Variants in ZNF680 observed in about 807,000 individuals in gnomAD.
ZNF680 encodes zinc finger protein 680.
A neutral mutation model predicts 12.1 loss-of-function variants in ZNF680; 6 were observed. That is an observed-to-expected ratio of 0.49 (90% CI 0.27 to 0.98). The LOEUF is 0.98. Ranked by LOEUF, ZNF680 falls within the 50% of genes least tolerant of loss-of-function variation. The pLI is 0.12. For missense variants in ZNF680, 561 were observed against 616.3 expected, an observed-to-expected ratio of 0.91 and a Z score of 0.95; for synonymous variants, 170 against 199.3, an observed-to-expected ratio of 0.85 and a Z score of 1.24.
chr7:64,561,706 G>T (rs113722384), intron 1 of ZNF680, among the ~76,000 whole-genome samples: 1 of 151,584 alleles, frequency 6.6e-6, no homozygotes, highest in African/African-American at 2.4e-5. Context: ...AGGCCGAGGC[G>T]GGTGGATTAC....
At chr7:64,519,288 G>A (rs1791419145), downstream of ZNF680, among the ~76,000 whole-genome samples, 1 of 151,816 alleles carries the variant, frequency 6.6e-6, no homozygotes, top group Non-Finnish European at 1.5e-5. Flanking sequence ...ATCACAATAT[G>A]ATACCACCTC....
intron 3 of ZNF680, among the ~76,000 whole-genome samples, chr7:64,537,845 A>T (rs536356120): frequency 6.6e-6 from 1 of 152,104 alleles, no homozygotes; most frequent in South Asian, 2.1e-4. Flanking sequence ...CAGGAGAATG[A>T]CGTGAACCCG....
At position 64,522,115 on chromosome 7, in the gene ZNF680, C is replaced by T; in HGVS notation, c.639G>A (p.Glu213=). Residue 213 remains glutamate, a synonymous_variant, in exon 4 of 4, where the codon GAG becomes GAA. Transcript: ENST00000309683. ...ACCAGTTAAGAACTTTGCCACATTC[C>T]TCACATTTGTAAGAATTCTCTCTAG... ...IHTRENSYKC[E]ECGKVLNWFS... 1.2e-6 allele frequency: 2 copies of T among 1,610,886 alleles called. No individual in the cohort carries two copies. Among genetic ancestry groups the T allele is most frequent in the Non-Finnish European group, 1.7e-6 (2 of 1,178,312 alleles).
At chr7:64,517,544 T>C (rs566083353), downstream of ZNF680, among the ~76,000 whole-genome samples, 2 of 152,152 alleles carry the variant, frequency 1.3e-5, no homozygotes, top group African/African-American at 2.4e-5. Flanking sequence ...ACCAATCCTA[T>C]TGACACTATT....
intron 1 of ZNF680, among the ~76,000 whole-genome samples, chr7:64,553,984 T>C (rs1369994973): frequency 1.8e-4 from 28 of 151,996 alleles, no homozygotes; most frequent in Non-Finnish European, 5.9e-5. Context: ...GTGCCGAGAT[T>C]GCAGCCTCTG....
intron 1 of ZNF680, among the ~76,000 whole-genome samples, chr7:64,548,953 T>C (rs1786926734): frequency 6.6e-6 from 1 of 151,962 alleles, no homozygotes; most frequent in Non-Finnish European, 1.5e-5. Flanking sequence ...AAACCCCGTC[T>C]CTACTAAAAA....
At chr7:64,508,140 T>TATATAC in the ZNF680 span, among the ~76,000 whole-genome samples, 1 of 134,826 alleles carries the variant, frequency 7.4e-6, no homozygotes, top group Non-Finnish European at 1.5e-5. Context: ...TATATATATA[T>TATATAC]ATACATAATT....
chr7:64,503,483 C>T, the ZNF680 span, among the ~76,000 whole-genome samples: 1 of 148,042 alleles, frequency 6.8e-6, no homozygotes, highest in Non-Finnish European at 1.5e-5. Flanking sequence ...TGGGTTCAAG[C>T]GATTCTCCTG....
chr7:64,510,349 C>T, the ZNF680 span, among the ~76,000 whole-genome samples: 2 of 152,066 alleles, frequency 1.3e-5, no homozygotes, highest in East Asian at 1.9e-4. Context: ...ACCCCCACCC[C>T]GCCACCTTTT....
At chr7:64,507,221 T>C in the ZNF680 span, among the ~76,000 whole-genome samples, 1 of 152,098 alleles carries the variant, frequency 6.6e-6, no homozygotes. Flanking sequence ...CTCGTGTATA[T>C]GTAGAATTTA....
chr7:64,533,515 GAC>G (rs1481106133), intron 3 of ZNF680, among the ~76,000 whole-genome samples: 1 of 152,030 alleles, frequency 6.6e-6, no homozygotes, highest in African/African-American at 2.4e-5. Context: ...AAAAATCATA[GAC>G]AACACAAACA....
At chr7:64,553,894 T>A (rs1405991803) in intron 1 of ZNF680, among the ~76,000 whole-genome samples, 1 of 152,230 alleles carries the variant, frequency 6.6e-6, no homozygotes, top group African/African-American at 2.4e-5. Context: ...GTGCTCAATG[T>A]TGCCCAGGCT....
intron 1 of ZNF680, among the ~76,000 whole-genome samples, chr7:64,546,669 G>C (rs1303904943): frequency 6.6e-6 from 1 of 152,156 alleles, no homozygotes; most frequent in African/African-American, 2.4e-5. Context: ...CTAGAACCTG[G>C]AAGGCAGAGG....
the ZNF680 span, among the ~76,000 whole-genome samples, chr7:64,507,864 CACACACACACACACAT>C: frequency 6.3e-5 from 4 of 63,536 alleles, no homozygotes; most frequent in East Asian, 2.3e-4. Context: ...CACACACACA[CACACACACACACACAT>C]TTTTTTATTT....
intron 3 of ZNF680, among the ~76,000 whole-genome samples, chr7:64,530,064 T>C (rs1337721682): frequency 6.6e-6 from 1 of 152,150 alleles, no homozygotes; most frequent in Non-Finnish European, 1.5e-5. Context: ...GCATCACATA[T>C]GAAGGAAAGA....
downstream of ZNF680, among the ~76,000 whole-genome samples, chr7:64,514,912 G>T (rs1380735826): frequency 1.3e-5 from 2 of 152,092 alleles, no homozygotes; most frequent in East Asian, 1.9e-4. Flanking sequence ...GCGTGGTCGC[G>T]CATGCTTGTA....
chr7:64,558,161 A>G (rs1787524779), intron 1 of ZNF680, among the ~76,000 whole-genome samples: 1 of 152,174 alleles, frequency 6.6e-6, no homozygotes, highest in African/African-American at 2.4e-5. Context: ...CAGGTGGTAC[A>G]GAACCGTTGG....
rs772325488 is a variant in ZNF680, at chr7:64,521,540, G to T, written c.1214C>A (p.Pro405His). 1.2e-6 allele frequency: 2 copies of T among 1,613,178 alleles called. No individual in the cohort carries two copies. The highest frequency in any genetic ancestry group is 1.7e-6 in the Non-Finnish European group (2 of 1,179,764). ...EHMRIHTGEK[P>H]YKCEECGKAF... ...TTTGCCACATTCTTCACATTTGTAG[G>T]GTTTCTCTCCAGTATGAATTCTCAT... The change falls in exon 4 of 4, where the codon CCC becomes CAC. Residue 405 changes from proline to histidine, a missense_variant. Transcript: ENST00000309683.
In ZNF680 at chr7:64,521,786, T is replaced by C. The variant is rs1023610985; in HGVS notation, c.968A>G (p.Lys323Arg). The C allele has an allele frequency of 3.7e-6, 6 of 1,613,122 alleles. No individual in the cohort carries two copies. In the Admixed American group the frequency reaches 6.7e-5, roughly 18 times the overall value. ...KRIHTGEKPF[K>R]CEECGKDFNQ... ...AAAGTCTTTGCCACATTCTTCACAT[T>C]TGAAGGGTTTCTCTCCAGTATGAAT... The change falls in exon 4 of 4, where the codon AAA (lysine) becomes AGA (arginine). Residue 323 changes from lysine to arginine, a missense_variant. Lys to Arg is a conservative substitution (Grantham distance 26, BLOSUM62 2). Transcript: ENST00000309683.
Sources: allele counts gnomAD v4.1 joint callset (sites outside exome capture counted in the v4.1 genomes callset), GRCh38; gene constraint gnomAD v4.1.1; transcripts MANE v1.5; gene names NCBI Gene and HGNC (gene_info 2026-07-23, HGNC 2026-07-21).